The following CFAP58 variants were observed in gnomAD, a reference collection of about 807,000 sequenced individuals.
The protein encoded by CFAP58 is cilia and flagella associated protein 58, also known as cilia- and flagella-associated protein 58.
Under a neutral mutation model 119.5 loss-of-function variants are expected in CFAP58, and 88 were observed. The ratio of observed to expected loss-of-function variants is 0.74; its 90% CI spans 0.62 to 0.88. CFAP58 has a LOEUF of 0.88. Ranked by LOEUF, CFAP58 falls within the 40% of genes least tolerant of loss-of-function variation. The probability of loss-of-function intolerance (pLI) is 0.00; values close to 1 mark genes in which losing one functional copy is unlikely to be tolerated. For synonymous variants in CFAP58, 365 were observed against 366.3 expected (o/e 1.00, Z 0.04); for missense variants, 990 against 1,021.2 (o/e 0.97, Z 0.42).
chr10:104,349,630 G>T (rs1370750237), upstream of CFAP58, among the ~76,000 whole-genome samples: 1 of 152,192 alleles, frequency 6.6e-6, no homozygotes, highest in Non-Finnish European at 1.5e-5. Context: ...TGGAGACAGG[G>T]GTGAAGAAGA....
intron 17 of CFAP58, among the ~76,000 whole-genome samples, chr10:104,453,959 T>C (rs2013236234): frequency 6.6e-6 from 1 of 152,218 alleles, no homozygotes; most frequent in African/African-American, 2.4e-5. Flanking sequence ...ATTTGTGTTT[T>C]ATAAATGTCC....
intron 11 of CFAP58, among the ~76,000 whole-genome samples, chr10:104,393,685 G>A (rs148052621): frequency 6.6e-6 from 1 of 152,292 alleles, no homozygotes; most frequent in Non-Finnish European, 1.5e-5. Flanking sequence ...GTGCTGCTAG[G>A]TAGAATGGGG....
intron 15 of CFAP58, among the ~76,000 whole-genome samples, chr10:104,423,822 C>T (rs1297297917): frequency 6.6e-6 from 1 of 152,056 alleles, no homozygotes; most frequent in Non-Finnish European, 1.5e-5. Context: ...AACAAGGACC[C>T]GGGGGAGTCC....
intron 15 of CFAP58, among the ~76,000 whole-genome samples, chr10:104,420,359 C>T (rs2012635686): frequency 6.6e-6 from 1 of 152,134 alleles, no homozygotes; most frequent in Non-Finnish European, 1.5e-5. Flanking sequence ...CTCGATTAGG[C>T]AGATAGAGTT....
chr10:104,426,377 C>T (rs1177600792), intron 15 of CFAP58, among the ~76,000 whole-genome samples: 3 of 151,792 alleles, frequency 2.0e-5, no homozygotes, highest in East Asian at 3.9e-4. Context: ...AAAACCAATT[C>T]GCTGCCTTGG....
At chr10:104,414,596 T>C (rs1226739368) in intron 15 of CFAP58, among the ~76,000 whole-genome samples, 1 of 106,888 alleles carries the variant, frequency 9.4e-6, no homozygotes, top group South Asian at 3.0e-4. Flanking sequence ...GCAGGGTGGG[T>C]GGGCTTCAGG....
intron 5 of CFAP58, among the ~76,000 whole-genome samples, chr10:104,367,556 T>C (rs2014769219): frequency 6.7e-6 from 1 of 149,860 alleles, no homozygotes; most frequent in South Asian, 2.1e-4. Context: ...TAAGAGAGGC[T>C]TTTGGACATC....
In CFAP58 at chr10:104,406,765, AG is replaced by A; in HGVS notation, c.2230del (p.Val744TrpfsTer18). The A allele has an allele frequency of 1.9e-6, 3 of 1,614,220 alleles. No homozygotes were observed. The highest frequency in any genetic ancestry group is 2.5e-6 in the Non-Finnish European group (3 of 1,180,040). ...AAGCGTCTCATCAGCAAGACTGAAG[AG>A]GTGGTTGAAAAAGAGCTGCTCCTCC... Reference protein sequence around the residue: ...LQKRLISKTEEVVEKELLLQE... With the variant: ...LQKRLISKTEXVVEKELLLQE... On this transcript the variant is annotated frameshift_variant, in exon 15 of 18. Coordinates refer to ENST00000369704, the MANE Select transcript of CFAP58 (RefSeq NM_001008723.2). LOFTEE classifies it high-confidence loss of function.
At chr10:104,355,781 G>A (rs1456150817) in intron 1 of CFAP58, among the ~76,000 whole-genome samples, 1 of 152,202 alleles carries the variant, frequency 6.6e-6, no homozygotes, top group Non-Finnish European at 1.5e-5. Flanking sequence ...AAAGCTAAGA[G>A]ATTATTTTTC....
At chr10:104,357,961 ATATG>A (rs2014601954) in intron 1 of CFAP58, among the ~76,000 whole-genome samples, 1 of 105,864 alleles carries the variant, frequency 9.4e-6, no homozygotes, top group African/African-American at 6.5e-5. Flanking sequence ...ATATACACAT[ATATG>A]TACACATATG....
chr10:104,390,500 C>T (rs1335014106), intron 9 of CFAP58, among the ~76,000 whole-genome samples: 3 of 152,090 alleles, frequency 2.0e-5, no homozygotes, highest in East Asian at 3.8e-4. Flanking sequence ...TGATCTGTTT[C>T]CTTCTTTGTA....
chr10:104,407,907 G>C (rs556973164), intron 15 of CFAP58, among the ~76,000 whole-genome samples: 1 of 152,126 alleles, frequency 6.6e-6, no homozygotes, highest in Non-Finnish European at 1.5e-5. Flanking sequence ...ATGTTGGCCA[G>C]GTTGGTCTCA....
chr10:104,340,335 A>G, the CFAP58 span, among the ~76,000 whole-genome samples: 16 of 152,100 alleles, frequency 1.1e-4, no homozygotes, highest in Non-Finnish European at 2.2e-4. Context: ...CCCCTTGGAT[A>G]TTCATATGTA....
chr10:104,454,404 T>C lies in CFAP58; in HGVS notation c.2511-18T>C. The C allele has an allele frequency of 6.3e-7, 1 of 1,591,326 alleles. No homozygotes were observed. The highest frequency in any genetic ancestry group is 2.2e-5 in the East Asian group (1 of 44,790). ...AAAAGGATGTTAAGGAAGCTAACTT[T>C]CACCTCCTCTCTTACAGAAACAAGG... On this transcript the variant is annotated intron_variant, in intron 17 of 17. Coordinates refer to ENST00000369704, the MANE Select transcript of CFAP58 (RefSeq NM_001008723.2).
chr10:104,400,662 C>T lies in CFAP58; in HGVS notation c.1816-18C>T. The T allele has an allele frequency of 6.2e-7, 1 of 1,606,308 alleles. No homozygotes were observed. The highest frequency in any genetic ancestry group is 8.5e-7 in the Non-Finnish European group (1 of 1,173,968). On this transcript the variant is annotated intron_variant, in intron 12 of 17. Transcript: ENST00000369704. ...GCTCCTCCTTCCCTGGTGACTATGC[C>T]CCTCCCTACCTTCCTAGGTCATCAG...
At position 104,406,823 on chromosome 10, in the gene CFAP58, A is replaced by G. The variant is rs768585087; in HGVS notation, c.2256+30A>G. 10 of 1,539,172 alleles carry G rather than the reference A, an allele frequency of 6.5e-6. No individual in the cohort carries two copies. The South Asian group carries it at 7.8e-5, about 12-fold the overall frequency. On this transcript the variant is annotated intron_variant, in intron 15 of 17. Transcript: ENST00000369704. ...CATTTTTGTTTTCTGTACTCATTGT[A>G]CAAGTCCTTAGCACCACCATCTCCA...
chr10:104,438,348 G>GTTTTTTTTTTTTGT (rs1564904758), intron 15 of CFAP58, among the ~76,000 whole-genome samples: 1 of 36,740 alleles, frequency 2.7e-5, no homozygotes, highest in Admixed American at 2.1e-4. Context: ...TTTGTTTTTT[G>GTTTTTTTTTTTTGT]TTTTTTTTTT....
intron 15 of CFAP58, among the ~76,000 whole-genome samples, chr10:104,414,481 G>A (rs1455254841): frequency 6.6e-6 from 1 of 150,478 alleles, no homozygotes; most frequent in East Asian, 2.0e-4. Context: ...GGAGGAGAAG[G>A]TTCAGGCTGT....
chr10:104,428,802 G>A (rs1341596472), intron 15 of CFAP58, among the ~76,000 whole-genome samples: 1 of 152,210 alleles, frequency 6.6e-6, no homozygotes, highest in East Asian at 1.9e-4. Flanking sequence ...AAGGCGGAGA[G>A]AGTTTAGGTA....
Sources: allele counts gnomAD v4.1 joint callset (sites outside exome capture counted in the v4.1 genomes callset), GRCh38; gene constraint gnomAD v4.1.1; transcripts MANE v1.5; gene names NCBI Gene and HGNC (gene_info 2026-07-23, HGNC 2026-07-21).